APBB2: variants seen among roughly 807,000 people sequenced by gnomAD.
APBB2 encodes the protein Fe65-like 1.
A neutral mutation model predicts 82.5 loss-of-function variants in APBB2; 38 were observed. That is an observed-to-expected ratio of 0.46 (90% CI 0.36 to 0.60). The LOEUF is 0.60. Among genes scored for constraint, APBB2 ranks in the 20% least tolerant of loss-of-function variants. The pLI is 0.00. For synonymous variants in APBB2, 341 were observed against 368.2 expected (o/e 0.93, Z 0.85); for missense variants, 772 against 972.3 (o/e 0.79, Z 2.74).
chr4:41,063,340 T>C (rs1028210700), intron 4 of APBB2, among the ~76,000 whole-genome samples: 18 of 152,180 alleles, frequency 1.2e-4, no homozygotes, highest in Non-Finnish European at 4.4e-5. Flanking sequence ...TCAGCTCCTA[T>C]AAAAATAAGC....
rs1403749832 is a variant in APBB2 at position 40,810,284 on chromosome 4, A to T, written c.*5808T>A. 1 of 152,120 alleles carries T rather than the reference A, an allele frequency of 6.6e-6. No homozygotes were observed. The highest frequency in any genetic ancestry group is 6.5e-5 in the Admixed American group (1 of 15,270). 9.4% of individuals were successfully genotyped at this position (152,120 alleles called of 1,614,324 possible). ...TTTACATTTATCAGTAAAACGTGTCAGTGGGCTGGGTGCAGTGGCTCACAT... is the reference window on the plus strand; with the variant it reads ...TTTACATTTATCAGTAAAACGTGTCTGTGGGCTGGGTGCAGTGGCTCACAT... On this transcript the variant is annotated 3_prime_UTR_variant, in exon 18 of 18. Coordinates refer to ENST00000508593, the MANE Select transcript of APBB2 (RefSeq NM_004307.2).
chr4:41,120,818 C>T (rs1348325380), intron 2 of APBB2, among the ~76,000 whole-genome samples: 1 of 152,172 alleles, frequency 6.6e-6, no homozygotes, highest in Non-Finnish European at 1.5e-5. Flanking sequence ...TTAGTAGAAC[C>T]TTTGATTCTC....
At chr4:40,988,331 T>C (rs1800970120) in intron 6 of APBB2, among the ~76,000 whole-genome samples, 1 of 152,222 alleles carries the variant, frequency 6.6e-6, no homozygotes, top group South Asian at 2.1e-4. Context: ...CCCACTGTTT[T>C]GTTTTAAAAT....
At chr4:40,981,026 T>C (rs1321747508) in intron 6 of APBB2, among the ~76,000 whole-genome samples, 1 of 152,182 alleles carries the variant, frequency 6.6e-6, no homozygotes, top group Non-Finnish European at 1.5e-5. Flanking sequence ...TATAACACAC[T>C]GAATCTTCTG....
intron 10 of APBB2, among the ~76,000 whole-genome samples, chr4:40,905,053 T>A (rs1776343151): frequency 6.6e-6 from 1 of 152,134 alleles, no homozygotes; most frequent in African/African-American, 2.4e-5. Flanking sequence ...GACACATAAC[T>A]GGAAAAGCTC....
At chr4:41,050,086 T>A (rs1230592243) in intron 4 of APBB2, among the ~76,000 whole-genome samples, 1 of 151,308 alleles carries the variant, frequency 6.6e-6, no homozygotes, top group Non-Finnish European at 1.5e-5. Flanking sequence ...CAAATCCCCC[T>A]CTGCGAGAAA....
intron 1 of APBB2, among the ~76,000 whole-genome samples, chr4:41,181,185 G>A (rs1295958804): frequency 6.6e-6 from 1 of 152,102 alleles, no homozygotes; most frequent in African/African-American, 2.4e-5. Flanking sequence ...TCAATTCCAA[G>A]CAGGCACAGA....
At chr4:40,911,843 G>A (rs1778648202) in intron 10 of APBB2, among the ~76,000 whole-genome samples, 1 of 152,124 alleles carries the variant, frequency 6.6e-6, no homozygotes, top group Non-Finnish European at 1.5e-5. Context: ...TTCTTCTCTA[G>A]GTACCAGTGG....
Position 40,890,175 on chromosome 4 carries a change from A to G in APBB2, c.1529+189T>C, listed in dbSNP as rs373386917. ...TTGACAAAAGATTTGAGATACAGAA[A>G]CCAGGAAGGGAAGCAGTTTGAAGTC... On this transcript the variant is annotated intron_variant, in intron 12 of 17. Transcript: ENST00000508593. 1,359 of 694,512 alleles carry G rather than the reference A, an allele frequency of 2.0e-3. 8 individuals carry two copies. The highest frequency in any genetic ancestry group is 0.012 in the South Asian group (473 of 39,940). 43.0% of individuals were successfully genotyped at this position (694,512 alleles called of 1,614,324 possible).
rs116673333 is a variant in APBB2 at position 41,184,712 on chromosome 4, G to A, written c.-417+29693C>T. Among the ~76,000 whole-genome samples, 740 of 152,312 alleles carry A rather than the reference G, an allele frequency of 4.9e-3. 4 individuals carry two copies. Among genetic ancestry groups the A allele is most frequent in the South Asian group, 8.3e-3 (40 of 4,830 alleles). ...TGCTGAGCAAATGCAGGTAAACAGC[G>A]TCCATGACTCAGTTCCTTGGGGTCA... is the stretch of plus-strand genomic sequence containing the variant. On this transcript the variant is annotated intron_variant, in intron 1 of 17. Coordinates refer to ENST00000508593, the MANE Select transcript of APBB2 (RefSeq NM_004307.2).
chr4:41,066,380 G>T (rs1454489545), intron 3 of APBB2, among the ~76,000 whole-genome samples: 1 of 152,098 alleles, frequency 6.6e-6, no homozygotes, highest in Non-Finnish European at 1.5e-5. Context: ...AAAAACATAT[G>T]CAGAACACCT....
chr4:41,014,991 T>C (rs1396562168), intron 5 of APBB2, among the ~76,000 whole-genome samples: 2 of 152,246 alleles, frequency 1.3e-5, no homozygotes, highest in Non-Finnish European at 2.9e-5. Flanking sequence ...CTGGGCTTAC[T>C]GTTTGTACTA....
intron 4 of APBB2, among the ~76,000 whole-genome samples, chr4:41,057,106 C>CA (rs1022356067): frequency 6.6e-6 from 1 of 152,008 alleles, no homozygotes; most frequent in African/African-American, 2.4e-5. Context: ...TCCATAAAAT[C>CA]AAAAAAGACA....
At chr4:41,107,202 T>C (rs775986680) in intron 2 of APBB2, among the ~76,000 whole-genome samples, 1 of 152,064 alleles carries the variant, frequency 6.6e-6, no homozygotes, top group Non-Finnish European at 1.5e-5. Context: ...TCCCAGCTAC[T>C]TGAGAGACTG....
rs372821339 is a variant in APBB2 at position 40,885,317 on chromosome 4, G to C, written c.1529+5047C>G. ...TTAAAGGGAAGAAAGTTTTCTTATTGGGAAATGAAAATTAAGCGGGGAAGG... is the reference window on the plus strand; with the variant it reads ...TTAAAGGGAAGAAAGTTTTCTTATTCGGAAATGAAAATTAAGCGGGGAAGG... On this transcript the variant is annotated intron_variant, in intron 12 of 17. Coordinates refer to ENST00000508593, the MANE Select transcript of APBB2 (RefSeq NM_004307.2). Among the ~76,000 whole-genome samples the C allele has an allele frequency of 3.3e-4, 51 of 152,290 alleles. No individual in the cohort carries two copies. In the East Asian group the frequency reaches 5.2e-3, roughly 16 times the overall value.
At chr4:40,884,502 C>A (rs187885616) in intron 12 of APBB2, among the ~76,000 whole-genome samples, 103 of 152,264 alleles carry the variant, frequency 6.8e-4, no homozygotes, top group Admixed American at 4.0e-3. Flanking sequence ...CCTAACCAGG[C>A]ACAGGGGCTC....
chr4:41,120,110 ACT>A (rs1288694122), intron 2 of APBB2, among the ~76,000 whole-genome samples: 2 of 152,062 alleles, frequency 1.3e-5, no homozygotes, highest in Non-Finnish European at 2.9e-5. Flanking sequence ...ACGACTAGTG[ACT>A]CTGTTCCTCA....
At chr4:41,026,926 C>T (rs530328222) in intron 5 of APBB2, among the ~76,000 whole-genome samples, 78 of 152,142 alleles carry the variant, frequency 5.1e-4, no homozygotes, top group Non-Finnish European at 9.1e-4. Context: ...AGGAAATGAC[C>T]TTCAGGTCTC....
chr4:40,829,421 G>A (rs1335813221), intron 13 of APBB2, among the ~76,000 whole-genome samples: 1 of 152,192 alleles, frequency 6.6e-6, no homozygotes, highest in Non-Finnish European at 1.5e-5. Context: ...CTCAATGATA[G>A]ATGCTTGTCC....
Sources: allele counts gnomAD v4.1 joint callset (sites outside exome capture counted in the v4.1 genomes callset), GRCh38; gene constraint gnomAD v4.1.1; transcripts MANE v1.5; gene names NCBI Gene and HGNC (gene_info 2026-07-23, HGNC 2026-07-21).